Variants in KIAA0319L observed in about 807,000 individuals in gnomAD.
The protein encoded by KIAA0319L is KIAA0319 like.
KIAA0319L carries 55 observed loss-of-function variants against 120.1 expected under a neutral mutation model. The ratio of observed to expected loss-of-function variants is 0.46; its 90% CI spans 0.37 to 0.57. The LOEUF is 0.57. Among genes scored for constraint, KIAA0319L ranks in the 20% least tolerant of loss-of-function variants. The pLI is 0.00. For synonymous variants in KIAA0319L, 398 were observed against 471.9 expected (o/e 0.84, Z 2.03); for missense variants, 1,049 against 1,255.3 (o/e 0.84, Z 2.48).
chr1:35,456,020 T>C lies in KIAA0319L; in HGVS notation c.1649A>G (p.Glu550Gly). 1 of 1,611,818 alleles carries C rather than the reference T, an allele frequency of 6.2e-7. No individual in the cohort carries two copies. The highest frequency in any genetic ancestry group is 8.5e-7 in the Non-Finnish European group (1 of 1,178,388). The change falls in exon 10 of 21, where the codon GAG becomes GGG. Residue 550 changes from glutamate to glycine, a missense_variant. Glu to Gly is a moderately conservative substitution (Grantham distance 98, BLOSUM62 -2). Coordinates refer to ENST00000325722, the MANE Select transcript of KIAA0319L (RefSeq NM_024874.5). The part of the protein sequence containing the change: ...LSPSSKGKVV[E>G]MQGVRTPTLQ... Reference sequence around the variant, plus strand: ...GGAACCATTCCCTCCTACCTGCATCTCCACCACTTTCCCTTTGCTGCTTGG... The same window carrying C: ...GGAACCATTCCCTCCTACCTGCATCCCCACCACTTTCCCTTTGCTGCTTGG...
At chr1:35,526,388 C>CATATATAT (rs60847372) in intron 2 of KIAA0319L, among the ~76,000 whole-genome samples, 1 of 127,138 alleles carries the variant, frequency 7.9e-6, no homozygotes, top group East Asian at 2.1e-4. Context: ...TATATACATA[C>CATATATAT]ATATATATAT....
intron 2 of KIAA0319L, among the ~76,000 whole-genome samples, chr1:35,522,844 C>T (rs537668666): frequency 5.0e-4 from 75 of 151,294 alleles, no homozygotes; most frequent in Non-Finnish European, 8.6e-4. Flanking sequence ...TGGGAAACCC[C>T]ATCTCTCCTG....
intron 3 of KIAA0319L, among the ~76,000 whole-genome samples, chr1:35,492,534 A>C (rs910609483): frequency 1.5e-4 from 22 of 151,342 alleles, no homozygotes; most frequent in African/African-American, 4.1e-4. Context: ...AAATTAATTA[A>C]TAATAATAAT....
intron 2 of KIAA0319L, among the ~76,000 whole-genome samples, chr1:35,527,875 A>T: frequency 7.0e-6 from 1 of 142,300 alleles, no homozygotes. Flanking sequence ...TATTTTGTTT[A>T]TTTCTGCTCT....
At chr1:35,551,773 T>C (rs926833711) in intron 2 of KIAA0319L, among the ~76,000 whole-genome samples, 3 of 152,156 alleles carry the variant, frequency 2.0e-5, no homozygotes, top group African/African-American at 7.2e-5. Context: ...ATTTCCATGA[T>C]AAAAGCTCCA....
At chr1:35,487,859 C>A (rs891393506) in intron 3 of KIAA0319L, among the ~76,000 whole-genome samples, 15 of 152,206 alleles carry the variant, frequency 9.9e-5, no homozygotes, top group African/African-American at 3.6e-4. Context: ...CCTGCTTTTT[C>A]AGCAGGCCTC....
intron 2 of KIAA0319L, among the ~76,000 whole-genome samples, chr1:35,524,427 G>A (rs988349509): frequency 6.6e-6 from 1 of 152,184 alleles, no homozygotes; most frequent in Non-Finnish European, 1.5e-5. Flanking sequence ...TTTGTCAGGT[G>A]ACCCTGGAAG....
intron 7 of KIAA0319L, among the ~76,000 whole-genome samples, chr1:35,465,983 C>A (rs1460900540): frequency 6.6e-6 from 1 of 152,180 alleles, no homozygotes; most frequent in Non-Finnish European, 1.5e-5. Flanking sequence ...GTCCATTAAA[C>A]CTCTTTCTTT....
At chr1:35,493,560 A>G (rs560813181) in intron 3 of KIAA0319L, among the ~76,000 whole-genome samples, 2 of 152,102 alleles carry the variant, frequency 1.3e-5, no homozygotes, top group Admixed American at 1.3e-4. Flanking sequence ...GCTGGTATAC[A>G]TGTCTTTCTT....
At chr1:35,480,119 T>C (rs1261875245) in intron 3 of KIAA0319L, among the ~76,000 whole-genome samples, 1 of 152,000 alleles carries the variant, frequency 6.6e-6, no homozygotes, top group Non-Finnish European at 1.5e-5. Context: ...AGTTGTTTAC[T>C]AGACAAAAGG....
intron 2 of KIAA0319L, among the ~76,000 whole-genome samples, chr1:35,529,983 CT>C (rs1204726576): frequency 0.015 from 2,141 of 138,406 alleles, 20 homozygotes; most frequent in African/African-American, 0.026. Context: ...GTCACAATGC[CT>C]TTTTTTTTTT....
At chr1:35,538,975 C>T (rs1446092861) in intron 2 of KIAA0319L, among the ~76,000 whole-genome samples, 1 of 152,004 alleles carries the variant, frequency 6.6e-6, no homozygotes, top group Non-Finnish European at 1.5e-5. Flanking sequence ...TTATCCTCAT[C>T]TGTATAATGG....
intron 8 of KIAA0319L, among the ~76,000 whole-genome samples, chr1:35,462,282 T>C (rs1219069155): frequency 6.6e-6 from 1 of 152,146 alleles, no homozygotes; most frequent in East Asian, 1.9e-4. Flanking sequence ...GGAAGGAACT[T>C]TGGTTCCATG....
At chr1:35,537,782 T>C (rs904859882) in intron 2 of KIAA0319L, among the ~76,000 whole-genome samples, 1 of 152,090 alleles carries the variant, frequency 6.6e-6, no homozygotes, top group African/African-American at 2.4e-5. Flanking sequence ...AAAGCAAAAC[T>C]GTGTGAGTAG....
chr1:35,466,496 G>A lies in KIAA0319L; in HGVS notation c.1201+112C>T. On this transcript the variant is annotated intron_variant, in intron 7 of 20. Transcript: ENST00000325722. ...TCACCACATTGAACTAGGAATTGCTGAATAAATACATTACAAAAAAAATGA... is the reference window on the plus strand; with the variant it reads ...TCACCACATTGAACTAGGAATTGCTAAATAAATACATTACAAAAAAAATGA... The A allele has an allele frequency of 5.7e-6, 4 of 703,616 alleles. No individual in the cohort carries two copies. The South Asian group carries it at 7.0e-5, about 12-fold the overall frequency. The allele number at this position is 703,616 out of a possible 1,614,324, so 43.6% of individuals were successfully genotyped here. A position where few individuals can be genotyped will look rare whatever the true frequency, so the allele number is the denominator to read the frequency against.
intron 2 of KIAA0319L, among the ~76,000 whole-genome samples, chr1:35,511,919 T>A (rs1645462044): frequency 6.6e-6 from 1 of 152,216 alleles, no homozygotes; most frequent in Admixed American, 6.5e-5. Flanking sequence ...ATTATGTTCT[T>A]ATTTATATTT....
In KIAA0319L at chr1:35,434,981, C is replaced by T. The variant is rs1454613556; in HGVS notation, c.3063G>A (p.Lys1021=). ...CATTCTGACCATGCAGGAGTTTGCC[C>T]TTCTCTCGGTCTGGCCATGTAAAGA... ...DAIFTWPDRE[K]GKLLHGQNGS... Residue 1021 remains lysine (K), a synonymous_variant, in exon 21 of 21, where the codon AAG becomes AAA. Transcript: ENST00000325722. The T allele has an allele frequency of 1.9e-6, 3 of 1,614,212 alleles. No individual in the cohort carries two copies. Among genetic ancestry groups the T allele is most frequent in the African/African-American group, 1.3e-5 (1 of 75,060 alleles).
At chr1:35,549,975 C>G (rs1044225959) in intron 2 of KIAA0319L, among the ~76,000 whole-genome samples, 1 of 152,204 alleles carries the variant, frequency 6.6e-6, no homozygotes, top group Non-Finnish European at 1.5e-5. Context: ...TTCCAAAACT[C>G]CTGGGATCAC....
intron 2 of KIAA0319L, among the ~76,000 whole-genome samples, chr1:35,552,235 G>T (rs553439671): frequency 6.6e-6 from 1 of 152,056 alleles, no homozygotes; most frequent in East Asian, 1.9e-4. Flanking sequence ...CCACCTATTC[G>T]GGAGGCTGAC....
Sources: gnomAD v4.1 joint callset for allele counts (sites outside exome capture counted in the v4.1 genomes callset) on GRCh38, gnomAD v4.1.1 for gene constraint, MANE v1.5 for transcripts, NCBI Gene and HGNC (gene_info 2026-07-23, HGNC 2026-07-21) for gene names.